Variants in TRAPPC9 observed in about 807,000 individuals in gnomAD.
The protein encoded by TRAPPC9 is IKK2 binding protein.
In TRAPPC9, 83 loss-of-function variants were observed where a neutral mutation model predicts 124.0. The observed-to-expected ratio is 0.67, with a 90% confidence interval of 0.56 to 0.80. TRAPPC9 has a LOEUF of 0.80. TRAPPC9 is among the 30% of genes least tolerant of loss of function. The pLI is 0.00. For synonymous variants in TRAPPC9, 638 were observed against 617.5 expected (o/e 1.03, Z -0.49); for missense variants, 1,302 against 1,508.3 (o/e 0.86, Z 2.27).
At chr8:140,429,587 C>G (rs2132568727) in intron 4 of TRAPPC9, among the ~76,000 whole-genome samples, 1 of 150,340 alleles carries the variant, frequency 6.7e-6, no homozygotes, top group East Asian at 2.0e-4. Context: ...GGGTGGATCA[C>G]TTGAGGTCAG....
intron 17 of TRAPPC9, among the ~76,000 whole-genome samples, chr8:140,116,920 G>A (rs1012908631): frequency 6.6e-6 from 1 of 151,126 alleles, no homozygotes; most frequent in Non-Finnish European, 1.5e-5. Context: ...AGTAGGCGGA[G>A]TTCAGTGAGT....
chr8:139,763,136 A>G (rs1820353046), intron 21 of TRAPPC9, among the ~76,000 whole-genome samples: 2 of 152,226 alleles, frequency 1.3e-5, no homozygotes. Flanking sequence ...AGATACAGCA[A>G]TAGGCATTTT....
intron 21 of TRAPPC9, among the ~76,000 whole-genome samples, chr8:139,754,891 C>T (rs1819588600): frequency 6.6e-6 from 1 of 152,240 alleles, no homozygotes; most frequent in Non-Finnish European, 1.5e-5. Flanking sequence ...TCCACTTCCT[C>T]ATCTGTCAAA....
At chr8:139,804,070 G>A (rs542576635) in intron 21 of TRAPPC9, among the ~76,000 whole-genome samples, 22 of 145,180 alleles carry the variant, frequency 1.5e-4, no homozygotes, top group East Asian at 4.2e-4. Context: ...AAGCACCGCC[G>A]CCACCACCAC....
chr8:139,758,431 C>T (rs562145054), intron 21 of TRAPPC9, among the ~76,000 whole-genome samples: 1 of 152,358 alleles, frequency 6.6e-6, no homozygotes, highest in East Asian at 1.9e-4. Context: ...AACATCCTAG[C>T]TCTCATACTA....
intron 19 of TRAPPC9, among the ~76,000 whole-genome samples, chr8:139,923,827 C>A (rs1459386674): frequency 6.6e-6 from 1 of 152,182 alleles, no homozygotes; most frequent in Non-Finnish European, 1.5e-5. Context: ...CAGTGAAATG[C>A]CCCCATTTTG....
chr8:139,913,017 C>T (rs1397807967), intron 19 of TRAPPC9, among the ~76,000 whole-genome samples: 1 of 152,210 alleles, frequency 6.6e-6, no homozygotes, highest in Non-Finnish European at 1.5e-5. Flanking sequence ...GACAACAGTA[C>T]CAGGTTCTCT....
At chr8:140,282,994 T>C (rs1013438863) in intron 14 of TRAPPC9, among the ~76,000 whole-genome samples, 3 of 152,040 alleles carry the variant, frequency 2.0e-5, no homozygotes, top group Admixed American at 1.3e-4. Flanking sequence ...TCCCAGCACT[T>C]TGGGAGGCCA....
intron 21 of TRAPPC9, among the ~76,000 whole-genome samples, chr8:139,795,242 T>C (rs10464980): frequency 0.25 from 38,649 of 152,046 alleles, 7,170 homozygotes; most frequent in African/African-American, 0.51. Flanking sequence ...AGGTTTGCAT[T>C]GTGCCCACAA....
In TRAPPC9 at chr8:140,457,681, G is replaced by C. The variant is rs2132755236; in HGVS notation, c.-53C>G. ...GCCCGGAGCGGGAGCCCACGACCTG[G>C]CGGGCAGCGGGGCCGAGCAGCCTCT... On this transcript the variant is annotated 5_prime_UTR_variant, in exon 1 of 23. Transcript: ENST00000438773. The C allele has an allele frequency of 1.0e-6, 1 of 986,690 alleles. No individual in the cohort carries two copies. The highest frequency in any genetic ancestry group is 1.2e-6 in the Non-Finnish European group (1 of 830,770). The allele number at this position is 986,690 out of a possible 1,614,324, so 61.1% of individuals were successfully genotyped here. A position where few individuals can be genotyped will look rare whatever the true frequency, so the allele number is the denominator to read the frequency against.
chr8:139,751,847 T>C (rs1819329989), intron 21 of TRAPPC9, among the ~76,000 whole-genome samples: 1 of 151,136 alleles, frequency 6.6e-6, no homozygotes, highest in Non-Finnish European at 1.5e-5. Flanking sequence ...CACCTATCTA[T>C]CCACTATTCA....
intron 18 of TRAPPC9, among the ~76,000 whole-genome samples, chr8:140,003,898 T>C (rs920009555): frequency 2.6e-5 from 4 of 152,196 alleles, no homozygotes; most frequent in African/African-American, 9.7e-5. Context: ...TCTACATGAG[T>C]ATTTACAGCA....
At chr8:139,899,140 A>G (rs2131206385) in intron 20 of TRAPPC9, among the ~76,000 whole-genome samples, 1 of 151,314 alleles carries the variant, frequency 6.6e-6, no homozygotes, top group Admixed American at 6.6e-5. Context: ...AAAAAAAAAA[A>G]AAGAATTTAA....
chr8:140,440,945 C>CCTTGATGT, intron 2 of TRAPPC9, among the ~76,000 whole-genome samples: 1 of 148,336 alleles, frequency 6.7e-6, no homozygotes, highest in East Asian at 2.0e-4. Flanking sequence ...GGTTAAGTGT[C>CCTTGATGT]CTTGATGTGT....
At chr8:140,301,668 T>C (rs1251866440) in intron 10 of TRAPPC9, among the ~76,000 whole-genome samples, 2 of 152,196 alleles carry the variant, frequency 1.3e-5, no homozygotes, top group African/African-American at 4.8e-5. Flanking sequence ...CTGATCGTGA[T>C]AAATCTACGT....
At position 139,783,110 on chromosome 8, in the gene TRAPPC9, C is replaced by T. The variant is rs201586878; in HGVS notation, c.3056-50908G>A. Among the ~76,000 whole-genome samples the T allele has an allele frequency of 7.2e-5, 11 of 152,214 alleles. No homozygotes were observed. The East Asian group carries it at 7.7e-4, about 11-fold the overall frequency. On this transcript the variant is annotated intron_variant, in intron 21 of 22. Transcript: ENST00000438773. The stretch of plus-strand genomic sequence containing the variant: ...AGAAAAAAACTCAAATTTATGATTT[C>T]GTCTTCCACTTTATAAATCAGGAAT...
At chr8:139,913,202 A>G (rs1831867082) in intron 19 of TRAPPC9, among the ~76,000 whole-genome samples, 1 of 152,256 alleles carries the variant, frequency 6.6e-6, no homozygotes, top group Admixed American at 6.5e-5. Context: ...CAACCTTAAC[A>G]AAACTGTAGC....
chr8:139,905,989 G>A (rs967617081), intron 20 of TRAPPC9, among the ~76,000 whole-genome samples: 10 of 152,012 alleles, frequency 6.6e-5, no homozygotes, highest in Non-Finnish European at 1.3e-4. Context: ...AGCTACTCGG[G>A]GGGCTGAGGC....
At chr8:140,229,884 T>C (rs939341326) in intron 16 of TRAPPC9, among the ~76,000 whole-genome samples, 5 of 152,148 alleles carry the variant, frequency 3.3e-5, no homozygotes, top group African/African-American at 4.8e-5. Flanking sequence ...GTACCAAATA[T>C]TCCCTTGGCC....
Sources: gnomAD v4.1 joint callset for allele counts (sites outside exome capture counted in the v4.1 genomes callset) on GRCh38, gnomAD v4.1.1 for gene constraint, MANE v1.5 for transcripts, NCBI Gene and HGNC (gene_info 2026-07-23, HGNC 2026-07-21) for gene names.